CCDC86: variants seen among roughly 807,000 people sequenced by gnomAD.
CCDC86 encodes the protein coiled-coil domain-containing protein 86.
Under a neutral mutation model 36.7 loss-of-function variants are expected in CCDC86, and 28 were observed. That is an observed-to-expected ratio of 0.76 (90% CI 0.57 to 1.05). CCDC86 has a LOEUF of 1.05. CCDC86 is among the 50% of genes least tolerant of loss of function. The pLI is 0.00. For missense variants in CCDC86, 453 were observed against 470.2 expected (o/e 0.96, Z 0.34); for synonymous variants, 199 against 203.4 (o/e 0.98, Z 0.18).
At chr11:60,849,007 C>T (rs1274818926) in intron 2 of CCDC86, among the ~76,000 whole-genome samples, 1 of 152,224 alleles carries the variant, frequency 6.6e-6, no homozygotes, top group African/African-American at 2.4e-5. Context: ...GTGCTCCTGC[C>T]CAGCCCCCAG....
chr11:60,850,133 G>A (rs889906667), intron 3 of CCDC86, 73 bp from the exon 4 acceptor site: 156 of 1,607,854 alleles, frequency 9.7e-5, no homozygotes, highest in Non-Finnish European at 1.3e-4. Context: ...CCTGTGGGGC[G>A]GCCTTCCTCT....
Position 60,850,187 on chromosome 11 carries a change from C to T in CCDC86, c.964-19C>T. 6.2e-7 allele frequency: 1 copy of T among 1,614,084 alleles called. No homozygotes were observed. The highest frequency in any genetic ancestry group is 8.5e-7 in the Non-Finnish European group (1 of 1,179,944). ...GAGGCTGCAGCTGCACTAATGTCCT[C>T]CCCTCATACCACCCCCAGATCCGAA... On this transcript the variant is annotated intron_variant, in intron 3 of 3. Transcript: ENST00000227520.
At chr11:60,849,819 T>C in intron 2 of CCDC86, 121 bp from the exon 3 acceptor site, 1 of 819,404 alleles carries the variant, frequency 1.2e-6, no homozygotes, top group Non-Finnish European at 2.0e-6. Flanking sequence ...ACCTGGAGCC[T>C]GGCAGAGAGG....
Position 60,842,451 on chromosome 11 carries a change from C to T in CCDC86, c.327C>T (p.Tyr109=). Residue 109 remains tyrosine, a synonymous_variant, in exon 1 of 4, where the codon TAC becomes TAT. Coordinates refer to ENST00000227520, the MANE Select transcript of CCDC86 (RefSeq NM_024098.4). Reference sequence around the variant, plus strand: ...AGTCGCCTCAAAGACAGCCAGAGTACAGTCCTGAATCCCCACGATGTCAGC... The same window carrying T: ...AGTCGCCTCAAAGACAGCCAGAGTATAGTCCTGAATCCCCACGATGTCAGC... ...HLESPQRQPE[Y]SPESPRCQPK... is the part of the protein sequence containing the mutation. 1 of 1,613,960 alleles carries T rather than the reference C, an allele frequency of 6.2e-7. No individual in the cohort carries two copies. The highest frequency in any genetic ancestry group is 8.5e-7 in the Non-Finnish European group (1 of 1,180,020).
chr11:60,845,646 C>A (rs575620841), intron 1 of CCDC86, among the ~76,000 whole-genome samples: 1 of 152,228 alleles, frequency 6.6e-6, no homozygotes, highest in Non-Finnish European at 1.5e-5. Flanking sequence ...GCCCTGTCTT[C>A]GTGCTCATGC....
intron 1 of CCDC86, 154 bp downstream of exon 1, chr11:60,843,036 T>A: frequency 1.9e-6 from 2 of 1,069,038 alleles, no homozygotes; most frequent in Non-Finnish European, 2.5e-6. Context: ...CAGAATGTGG[T>A]AAAATGCCCT....
rs1190897872 is a variant in CCDC86, at chr11:60,842,792, C to T, written c.668C>T (p.Ala223Val). 1.9e-6 allele frequency: 3 copies of T among 1,611,912 alleles called. No homozygotes were observed. The Admixed American group carries it at 5.0e-5, about 27-fold the overall frequency. The change falls in exon 1 of 4, where the codon GCG becomes GTG. Residue 223 changes from alanine (A) to valine (V), a missense_variant. Transcript: ENST00000227520. ...AAAGGTTCTTCATCCCAGGCCCCAGCGTCCAAGAAGTTGAATAAAGAGGAG... is the reference window on the plus strand; with the variant it reads ...AAAGGTTCTTCATCCCAGGCCCCAGTGTCCAAGAAGTTGAATAAAGAGGAG... ...KRKGSSSQAP[A>V]SKKLNKEELP...
chr11:60,843,924 C>T (rs1946091210), intron 1 of CCDC86, among the ~76,000 whole-genome samples: 1 of 152,218 alleles, frequency 6.6e-6, no homozygotes, highest in Non-Finnish European at 1.5e-5. Context: ...CTGAGGCTTA[C>T]AGAGTAATTT....
intron 2 of CCDC86, 70 bp from the exon 3 acceptor site, chr11:60,849,870 C>G: frequency 7.4e-7 from 1 of 1,350,586 alleles, no homozygotes; most frequent in South Asian, 1.2e-5. Context: ...CGCTCGCACT[C>G]TTCTGGGGCC....
At chr11:60,843,570 G>A (rs532398735) in intron 1 of CCDC86, among the ~76,000 whole-genome samples, 1 of 152,316 alleles carries the variant, frequency 6.6e-6, no homozygotes, top group Non-Finnish European at 1.5e-5. Context: ...ATTGGATTGC[G>A]ACCTTCTTAA....
chr11:60,850,202 C>A lies in CCDC86; in HGVS notation c.964-4C>A. On this transcript the variant is annotated splice_polypyrimidine_tract_variant and splice_region_variant and intron_variant, in intron 3 of 3. Coordinates refer to ENST00000227520, the MANE Select transcript of CCDC86 (RefSeq NM_024098.4). ...CTAATGTCCTCCCCTCATACCACCC[C>A]CAGATCCGAAACCCCGCCAAGCTCA... is the stretch of plus-strand genomic sequence containing the variant. The A allele has an allele frequency of 6.2e-7, 1 of 1,614,176 alleles. No individual in the cohort carries two copies. The highest frequency in any genetic ancestry group is 1.1e-5 in the South Asian group (1 of 91,086).
intron 1 of CCDC86, among the ~76,000 whole-genome samples, chr11:60,846,537 G>C (rs539890): frequency 0.72 from 109,377 of 152,176 alleles, 39,621 homozygotes; most frequent in East Asian, 0.92. Context: ...TTTTACTAGT[G>C]TAGCTTCATC....
intron 1 of CCDC86, among the ~76,000 whole-genome samples, chr11:60,846,466 A>C (rs148227602): frequency 6.6e-6 from 1 of 152,264 alleles, no homozygotes; most frequent in African/African-American, 2.4e-5. Flanking sequence ...GAAATTTTCA[A>C]GCATACAAAG....
rs146254989 is a variant in CCDC86 at position 60,842,687 on chromosome 11, C to T, written c.563C>T (p.Ser188Phe). ...LLELTPRAPG[S>F]PRGQHEPSKP... ...GAGCTGACACCCAGGGCACCTGGCT[C>T]CCCCCGGGGTCAGCATGAGCCGAGC... Residue 188 changes from serine to phenylalanine, a missense_variant, in exon 1 of 4, where the codon TCC (serine) becomes TTC (phenylalanine). Transcript: ENST00000227520. The T allele has an allele frequency of 3.7e-6, 6 of 1,613,100 alleles. No individual in the cohort carries two copies. In the African/African-American group the frequency reaches 4.0e-5, roughly 11 times the overall value.
intron 1 of CCDC86, among the ~76,000 whole-genome samples, chr11:60,847,147 G>A (rs533086089): frequency 2.7e-5 from 4 of 149,604 alleles, no homozygotes; most frequent in Non-Finnish European, 4.5e-5. Flanking sequence ...GCAGTGGCGC[G>A]ATCTCGGCTC....
At chr11:60,846,255 A>G (rs1855180912) in intron 1 of CCDC86, among the ~76,000 whole-genome samples, 1 of 152,124 alleles carries the variant, frequency 6.6e-6, no homozygotes, top group African/African-American at 2.4e-5. Context: ...GTGGCACCCC[A>G]TTCTTAGTGC....
rs754344306 is a variant in CCDC86, at chr11:60,842,348, G to T, written c.224G>T (p.Gly75Val). The T allele has an allele frequency of 1.2e-6, 2 of 1,613,830 alleles. No homozygotes were observed. The highest frequency in any genetic ancestry group is 2.2e-5 in the South Asian group (2 of 91,068). The stretch of plus-strand genomic sequence containing the variant: ...CCAGGATCACCCCGTCTGCAGCAGG[G>T]TGCAGGCTTGGAGTCACCCCAAGGG... ...TSPGSPRLQQGAGLESPQGQP... is the reference protein window; with the variant it reads ...TSPGSPRLQQVAGLESPQGQP... The change falls in exon 1 of 4, where the codon GGT (glycine) becomes GTT (valine). Residue 75 changes from glycine to valine, a missense_variant. Gly to Val is a moderately radical substitution (Grantham distance 109, BLOSUM62 -3). Coordinates refer to ENST00000227520, the MANE Select transcript of CCDC86 (RefSeq NM_024098.4).
chr11:60,850,071 G>A (rs865960648), intron 3 of CCDC86, 57 bp downstream of exon 3: 1 of 1,607,782 alleles, frequency 6.2e-7, no homozygotes. Context: ...TGCAAACCAG[G>A]GCCTCGACCC....
At position 60,848,052 on chromosome 11, in the gene CCDC86, A is replaced by T; in HGVS notation, c.887A>T (p.Gln296Leu). ...HLEEEKERRRQEKKQRRAENL... is the reference protein window; with the variant it reads ...HLEEEKERRRLEKKQRRAENL... ...GAGGAGGAGAAGGAGAGGCGCCGCC[A>T]GGTGAGGGGCCAGCCAGGCTGAGGC... Residue 296 changes from glutamine (Q) to leucine (L), a missense_variant and splice_region_variant, in exon 2 of 4, where the codon CAG (glutamine) becomes CTG (leucine). Gln to Leu is a moderately radical substitution (Grantham distance 113). Coordinates refer to ENST00000227520, the MANE Select transcript of CCDC86 (RefSeq NM_024098.4). The T allele has an allele frequency of 6.2e-7, 1 of 1,612,218 alleles. No homozygotes were observed. The highest frequency in any genetic ancestry group is 8.5e-7 in the Non-Finnish European group (1 of 1,178,888).
Sources: allele counts gnomAD v4.1 joint callset (sites outside exome capture counted in the v4.1 genomes callset), GRCh38; gene constraint gnomAD v4.1.1; transcripts MANE v1.5; gene names NCBI Gene and HGNC (gene_info 2026-07-23, HGNC 2026-07-21).